SPECC1: variants seen among roughly 807,000 people sequenced by gnomAD.
The protein encoded by SPECC1 is cytospin-B.
SPECC1 carries 62 observed loss-of-function variants against 104.1 expected under a neutral mutation model. That is an observed-to-expected ratio of 0.60 (90% CI 0.49 to 0.74). The LOEUF is 0.74. SPECC1 is among the 30% of genes least tolerant of loss of function. The pLI is 0.00. For synonymous variants in SPECC1, 513 were observed against 501.6 expected, an observed-to-expected ratio of 1.02 and a Z score of -0.30; for missense variants, 1,306 against 1,310.5, an observed-to-expected ratio of 1.00 and a Z score of 0.05.
intron 12 of SPECC1, among the ~76,000 whole-genome samples, chr17:20,285,757 C>G (rs1043942161): frequency 1.3e-5 from 2 of 151,724 alleles, no homozygotes; most frequent in Non-Finnish European, 2.9e-5. Context: ...CTTCCCTCCC[C>G]CTCCCTGTCC....
At position 20,310,242 on chromosome 17, in the gene SPECC1, G is replaced by A. The variant is rs558044230; in HGVS notation, c.3118-3734G>A. Among the ~76,000 whole-genome samples the A allele has an allele frequency of 3.9e-4, 60 of 152,224 alleles. 1 individual carries two copies. In the South Asian group the frequency reaches 0.011, roughly 29 times the overall value. ...TGATAGAACGATTTCTTTTCTTCTG[G>A]ATATATACCCAGTAATGATATTGCT... On this transcript the variant is annotated intron_variant, in intron 14 of 14. Transcript: ENST00000395527.
intron 3 of SPECC1, among the ~76,000 whole-genome samples, chr17:20,168,710 A>G (rs1047275918): frequency 2.6e-5 from 4 of 152,234 alleles, no homozygotes; most frequent in African/African-American, 4.8e-5. Context: ...ATGAGAACTT[A>G]TGGCAATTTA....
intron 3 of SPECC1, among the ~76,000 whole-genome samples, chr17:20,122,169 G>A (rs2152537634): frequency 6.6e-6 from 1 of 152,288 alleles, no homozygotes; most frequent in East Asian, 1.9e-4. Context: ...CAGTTGGGGA[G>A]GAGGATAGAA....
At chr17:20,099,916 A>G (rs1432906414) in intron 2 of SPECC1, among the ~76,000 whole-genome samples, 1 of 152,034 alleles carries the variant, frequency 6.6e-6, no homozygotes, top group African/African-American at 2.4e-5. Flanking sequence ...CACTGTGGAT[A>G]CCAAAATCCA....
intron 3 of SPECC1, among the ~76,000 whole-genome samples, chr17:20,147,693 G>A (rs1023723471): frequency 1.3e-5 from 2 of 152,052 alleles, no homozygotes; most frequent in Admixed American, 6.6e-5. Flanking sequence ...TGTATGTTGC[G>A]GCTTTTCATA....
chr17:20,270,764 A>G (rs748058155), intron 12 of SPECC1, among the ~76,000 whole-genome samples: 14 of 152,192 alleles, frequency 9.2e-5, no homozygotes, highest in Non-Finnish European at 1.9e-4. Context: ...AGGGTGTGTT[A>G]CACTTTCCAT....
chr17:20,277,777 G>A (rs1041697330), intron 12 of SPECC1, among the ~76,000 whole-genome samples: 2 of 152,152 alleles, frequency 1.3e-5, no homozygotes, highest in African/African-American at 4.8e-5. Context: ...GTTCCGCTTC[G>A]TCTCTGAATT....
chr17:20,296,888 C>T (rs2041369713), intron 12 of SPECC1, 73 bp from the exon 13 acceptor site: 2 of 1,381,738 alleles, frequency 1.4e-6, no homozygotes, highest in African/African-American at 2.8e-5. Flanking sequence ...CCCATCTTAT[C>T]ACAATCTTCC....
rs781423363 is a variant in SPECC1, at chr17:20,227,438, A to AG, written c.1891dup (p.Glu631GlyfsTer4). ...GTGGAAAAGGATTATTCATACCTGA[A>AG]GGAGATATGTGATCACCAAGCCGAA... is the stretch of plus-strand genomic sequence containing the variant. On this transcript the variant is annotated frameshift_variant, in exon 5 of 15. Transcript: ENST00000395527. LOFTEE classifies it high-confidence loss of function. The AG allele has an allele frequency of 6.2e-7, 1 of 1,612,476 alleles. No individual in the cohort carries two copies. The highest frequency in any genetic ancestry group is 1.1e-5 in the South Asian group (1 of 90,840).
At chr17:20,226,718 TG>T (rs1234353774) in intron 4 of SPECC1, among the ~76,000 whole-genome samples, 1 of 152,244 alleles carries the variant, frequency 6.6e-6, no homozygotes, top group Non-Finnish European at 1.5e-5. Flanking sequence ...GATTGTGCCG[TG>T]CCACTTTTCT....
chr17:20,196,059 T>C lies in SPECC1; in HGVS notation c.284-8274T>C, dbSNP rs551944369. 6.6e-5 allele frequency among the ~76,000 whole-genome samples: 10 copies of C among 152,330 alleles called. No homozygotes were observed. In the South Asian group the frequency reaches 2.1e-3, roughly 32 times the overall value. ...AGCCAATGTCCACACACAGAATCTC[T>C]TTTACAATTAATTTTTTACAAACCT... On this transcript the variant is annotated intron_variant, in intron 3 of 14. Coordinates refer to ENST00000395527, the MANE Select transcript of SPECC1 (RefSeq NM_001243439.2).
At chr17:20,247,598 ATATT>A (rs1310247122) in intron 9 of SPECC1, among the ~76,000 whole-genome samples, 2 of 152,248 alleles carry the variant, frequency 1.3e-5, no homozygotes, top group African/African-American at 2.4e-5. Flanking sequence ...AGTTCAATAA[ATATT>A]AAATGAATGA....
intron 12 of SPECC1, among the ~76,000 whole-genome samples, chr17:20,283,540 C>G (rs60527720): frequency 0.018 from 2,675 of 152,104 alleles, 77 homozygotes; most frequent in African/African-American, 0.06. Flanking sequence ...TTTGTATTTC[C>G]TCTTCAGTAC....
chr17:20,132,542 CA>C (rs1276570790), intron 3 of SPECC1, among the ~76,000 whole-genome samples: 1 of 145,362 alleles, frequency 6.9e-6, no homozygotes, highest in Non-Finnish European at 1.5e-5. Context: ...TGTTTGTTTT[CA>C]TTTTTTTTTG....
chr17:20,124,171 A>AGGGAG (rs1255652967), intron 3 of SPECC1, among the ~76,000 whole-genome samples: 1 of 151,580 alleles, frequency 6.6e-6, no homozygotes, highest in Admixed American at 6.6e-5. Flanking sequence ...AGATGGCAAC[A>AGGGAG]GGGAGGGGAA....
chr17:20,096,096 G>A (rs888423), intron 1 of SPECC1: 75,800 of 152,160 alleles, frequency 0.5, 19,430 homozygotes, highest in Middle Eastern at 0.6. Context: ...CTGCCCAACA[G>A]TGTTGGGTCT....
chr17:20,229,504 AAAAAT>A (rs990267402), intron 5 of SPECC1, among the ~76,000 whole-genome samples: 16 of 152,238 alleles, frequency 1.1e-4, no homozygotes, highest in East Asian at 3.9e-4. Flanking sequence ...GTCTTGACAA[AAAAAT>A]AAAATAAAAT....
At chr17:20,163,564 C>CTTT (rs779886420) in intron 3 of SPECC1, among the ~76,000 whole-genome samples, 1 of 143,302 alleles carries the variant, frequency 7.0e-6, no homozygotes, top group African/African-American at 2.6e-5. Flanking sequence ...CTCTCTCTCT[C>CTTT]TTTTTTTTTT....
At chr17:20,089,556 G>T (rs962511874) in intron 1 of SPECC1, among the ~76,000 whole-genome samples, 1 of 152,138 alleles carries the variant, frequency 6.6e-6, no homozygotes, top group Non-Finnish European at 1.5e-5. Flanking sequence ...AGCCCAGGGG[G>T]TCGAGGCTGT....
Sources: allele counts gnomAD v4.1 joint callset (sites outside exome capture counted in the v4.1 genomes callset), GRCh38; gene constraint gnomAD v4.1.1; transcripts MANE v1.5; gene names NCBI Gene and HGNC (gene_info 2026-07-23, HGNC 2026-07-21).